Variants in GABRB2 observed in about 807,000 individuals in gnomAD.
The protein encoded by GABRB2 is gamma-aminobutyric acid type A receptor subunit beta2.
Under a neutral mutation model 54.7 loss-of-function variants are expected in GABRB2, and 16 were observed. The ratio of observed to expected loss-of-function variants is 0.29; its 90% confidence interval spans 0.20 to 0.44. The LOEUF is 0.44. GABRB2 is among the 20% of genes least tolerant of loss of function. The probability of loss-of-function intolerance (pLI) is 1.00; values close to 1 mark genes in which losing one functional copy is unlikely to be tolerated. For missense variants in GABRB2, 355 were observed against 644.0 expected, an observed-to-expected ratio of 0.55 and a Z score of 4.86; for synonymous variants, 244 against 233.8, an observed-to-expected ratio of 1.04 and a Z score of -0.40.
At chr5:161,296,749 G>C (rs912061895) in intron 9 of GABRB2, among the ~76,000 whole-genome samples, 2 of 152,234 alleles carry the variant, frequency 1.3e-5, no homozygotes, top group Non-Finnish European at 2.9e-5. Flanking sequence ...CGGAATTGCT[G>C]CTGCATCCTA....
intron 3 of GABRB2, among the ~76,000 whole-genome samples, chr5:161,501,149 C>T (rs1759426751): frequency 6.6e-6 from 1 of 152,118 alleles, no homozygotes; most frequent in South Asian, 2.1e-4. Context: ...CCTGTAAAAA[C>T]ATTCATTATA....
upstream of GABRB2, chr5:161,547,200 G>C (rs932020472): frequency 2.1e-5 from 3 of 140,176 alleles, no homozygotes; most frequent in South Asian, 2.4e-4. Context: ...AGACTGGGAT[G>C]GGGGGGGCGG....
intron 5 of GABRB2, among the ~76,000 whole-genome samples, chr5:161,365,557 CTT>C (rs1754947946): frequency 6.6e-6 from 1 of 152,152 alleles, no homozygotes; most frequent in Admixed American, 6.5e-5. Context: ...TTCTCAAACA[CTT>C]ATCAATTTTT....
intron 5 of GABRB2, among the ~76,000 whole-genome samples, chr5:161,338,730 G>A (rs558245384): frequency 6.6e-6 from 1 of 152,046 alleles, no homozygotes; most frequent in Admixed American, 6.6e-5. Context: ...AGGTTGCGGT[G>A]AGCTATGATG....
chr5:161,299,752 A>C (rs1171385090), intron 9 of GABRB2, among the ~76,000 whole-genome samples: 1 of 152,140 alleles, frequency 6.6e-6, no homozygotes, highest in Non-Finnish European at 1.5e-5. Flanking sequence ...CATTCCAAAG[A>C]ATCCTAACAG....
chr5:161,306,617 G>A (rs252973), intron 9 of GABRB2, among the ~76,000 whole-genome samples: 16,594 of 152,116 alleles, frequency 0.11, 1,052 homozygotes, highest in Non-Finnish European at 0.14. Context: ...TACAGATTCC[G>A]AGTTACATTT....
At chr5:161,306,768 A>G (rs371402700) in intron 9 of GABRB2, among the ~76,000 whole-genome samples, 2 of 152,122 alleles carry the variant, frequency 1.3e-5, no homozygotes, top group Non-Finnish European at 1.5e-5. Context: ...TTAATGCTCA[A>G]CTAGCATTGG....
chr5:161,342,271 T>C (rs1187123733), intron 5 of GABRB2, among the ~76,000 whole-genome samples: 1 of 151,990 alleles, frequency 6.6e-6, no homozygotes, highest in Non-Finnish European at 1.5e-5. Context: ...ATTTTATGTG[T>C]ACATCACAGC....
intron 7 of GABRB2, among the ~76,000 whole-genome samples, chr5:161,332,104 T>G (rs1486569701): frequency 1.4e-5 from 2 of 140,498 alleles, no homozygotes; most frequent in Admixed American, 7.7e-5. Context: ...AGGCGGAGCT[T>G]GCAGTGAGCC....
intron 4 of GABRB2, among the ~76,000 whole-genome samples, chr5:161,440,062 C>CAAAAAAAA (rs61152845): frequency 1.2e-4 from 9 of 77,182 alleles, no homozygotes; most frequent in South Asian, 5.0e-4. Flanking sequence ...AACCTCAAAC[C>CAAAAAAAA]AAAAAAAAAA....
chr5:161,449,164 GAGTA>G, intron 4 of GABRB2, among the ~76,000 whole-genome samples: 1 of 152,244 alleles, frequency 6.6e-6, no homozygotes, highest in East Asian at 1.9e-4. Flanking sequence ...TTCAGACTTT[GAGTA>G]AGTGACTTAG....
At chr5:161,382,250 C>G (rs1755492196) in intron 5 of GABRB2, among the ~76,000 whole-genome samples, 2 of 152,162 alleles carry the variant, frequency 1.3e-5, no homozygotes, top group South Asian at 4.1e-4. Flanking sequence ...GCGCTATCCT[C>G]TACAGCCAAC....
intron 5 of GABRB2, among the ~76,000 whole-genome samples, 193 bp downstream of exon 5, chr5:161,410,782 G>C (rs2113113819): frequency 6.6e-6 from 1 of 152,276 alleles, no homozygotes; most frequent in Non-Finnish European, 1.5e-5. Context: ...AAGAGTTAGA[G>C]AGTTAGAGAT....
chr5:161,395,492 T>C (rs1304071782), intron 5 of GABRB2, among the ~76,000 whole-genome samples: 2 of 152,156 alleles, frequency 1.3e-5, no homozygotes, highest in Non-Finnish European at 2.9e-5. Context: ...ATAATCATCG[T>C]ACTCACCTAA....
intron 5 of GABRB2, among the ~76,000 whole-genome samples, chr5:161,381,594 G>T (rs1055628798): frequency 6.6e-6 from 1 of 152,120 alleles, no homozygotes; most frequent in East Asian, 1.9e-4. Flanking sequence ...TATTCTGAAG[G>T]GGGTGAGTGG....
At chr5:161,538,565 A>T (rs868861137) in intron 3 of GABRB2, among the ~76,000 whole-genome samples, 11 of 152,186 alleles carry the variant, frequency 7.2e-5, no homozygotes, top group African/African-American at 2.7e-4. Context: ...GCTCACGCCT[A>T]TAATCCCAGC....
chr5:161,479,679 T>G (rs1758699673), intron 3 of GABRB2, among the ~76,000 whole-genome samples: 1 of 148,300 alleles, frequency 6.7e-6, no homozygotes, highest in East Asian at 2.0e-4. Flanking sequence ...AACTTCCGCC[T>G]CCCAGTTTCA....
chr5:161,292,802 A>G lies in GABRB2; in HGVS notation c.*1279T>C, dbSNP rs1165519638. 3 of 152,210 alleles carry G rather than the reference A, an allele frequency of 2.0e-5. No homozygotes were observed. The highest frequency in any genetic ancestry group is 4.4e-5 in the Non-Finnish European group (3 of 68,030). 9.4% of individuals were successfully genotyped at this position (152,210 alleles called of 1,614,324 possible). A position where few individuals can be genotyped will look rare whatever the true frequency, so the allele number is the denominator to read the frequency against. ...AGTATTATTTGCTTTGAAAAATACAATGGTGAATTTCATTGCATATAAGAA... is the reference window on the plus strand; with the variant it reads ...AGTATTATTTGCTTTGAAAAATACAGTGGTGAATTTCATTGCATATAAGAA... On this transcript the variant is annotated 3_prime_UTR_variant, in exon 10 of 10. Transcript: ENST00000393959.
At chr5:161,307,244 A>G (rs1757715187) in intron 9 of GABRB2, among the ~76,000 whole-genome samples, 1 of 152,150 alleles carries the variant, frequency 6.6e-6, no homozygotes, top group Admixed American at 6.5e-5. Context: ...ATAGCAATGT[A>G]GGCACTTCCT....
Sources: gnomAD v4.1 joint callset for allele counts (sites outside exome capture counted in the v4.1 genomes callset) on GRCh38, gnomAD v4.1.1 for gene constraint, MANE v1.5 for transcripts, NCBI Gene and HGNC (gene_info 2026-07-23, HGNC 2026-07-21) for gene names.